Variants in UNC80 observed in about 807,000 individuals in gnomAD.
The protein encoded by UNC80 is protein unc-80 homolog.
In UNC80, 164 loss-of-function variants were observed where a neutral mutation model predicts 384.6. That is an observed-to-expected ratio of 0.43 (90% CI 0.38 to 0.49). UNC80 has a LOEUF of 0.49. UNC80 is among the 20% of genes least tolerant of loss of function. UNC80 has a pLI of 0.00. For missense variants in UNC80, 3,330 were observed against 4,143.0 expected, an observed-to-expected ratio of 0.80 and a Z score of 5.39; for synonymous variants, 1,486 against 1,527.8, an observed-to-expected ratio of 0.97 and a Z score of 0.64.
intron 27 of UNC80, among the ~76,000 whole-genome samples, chr2:209,894,820 G>A (rs779318959): frequency 2.6e-5 from 4 of 152,116 alleles, no homozygotes; most frequent in Non-Finnish European, 5.9e-5. Context: ...CCCTTGGGGA[G>A]GACTACCTAA....
chr2:209,992,366 T>C (rs915141715), intron 62 of UNC80, 119 bp downstream of exon 62: 1 of 922,486 alleles, frequency 1.1e-6, no homozygotes, highest in Non-Finnish European at 1.6e-6. Flanking sequence ...TCCCAGCTAC[T>C]GGGGAGGCTG....
chr2:209,814,510 T>C (rs958659474), intron 8 of UNC80, among the ~76,000 whole-genome samples: 1 of 152,178 alleles, frequency 6.6e-6, no homozygotes, highest in Non-Finnish European at 1.5e-5. Context: ...CCTCCCAAAG[T>C]GCTGGGATTA....
At chr2:209,835,097 G>C in intron 18 of UNC80, 87 bp downstream of exon 18, 1 of 1,075,176 alleles carries the variant, frequency 9.3e-7, no homozygotes, top group South Asian at 1.3e-5. Flanking sequence ...CTATTTGTTT[G>C]TTTTTCATCT....
At chr2:209,956,653 A>G (rs1020122394) in intron 48 of UNC80, among the ~76,000 whole-genome samples, 1 of 152,140 alleles carries the variant, frequency 6.6e-6, no homozygotes, top group African/African-American at 2.4e-5. Flanking sequence ...ATATGTATAC[A>G]TGTGCAGCGC....
At chr2:209,921,445 C>A in intron 33 of UNC80, 55 bp from the exon 34 acceptor site, 1 of 1,487,156 alleles carries the variant, frequency 6.7e-7, no homozygotes, top group Non-Finnish European at 9.0e-7. Flanking sequence ...CTCTTTATGC[C>A]TGTGACCTTG....
intron 48 of UNC80, chr2:209,954,487 A>G (rs2092325574): frequency 2.7e-6 from 1 of 366,176 alleles, no homozygotes; most frequent in Admixed American, 4.3e-5. Flanking sequence ...GTATAATAAT[A>G]GTAATAATAT....
At chr2:209,901,941 A>G (rs559876442) in intron 28 of UNC80, among the ~76,000 whole-genome samples, 1 of 152,156 alleles carries the variant, frequency 6.6e-6, no homozygotes, top group East Asian at 1.9e-4. Context: ...AAAAAAAAAA[A>G]AGTACATTTT....
At chr2:209,881,140 C>G in intron 25 of UNC80, 46 bp downstream of exon 25, 1 of 1,537,208 alleles carries the variant, frequency 6.5e-7, no homozygotes, top group Non-Finnish European at 8.8e-7. Context: ...TCGGAGAGGC[C>G]AGGCGTGTGT....
At chr2:209,893,341 A>G (rs1442285011) in intron 26 of UNC80, among the ~76,000 whole-genome samples, 1 of 152,152 alleles carries the variant, frequency 6.6e-6, no homozygotes, top group African/African-American at 2.4e-5. Flanking sequence ...TTGAAAAGGA[A>G]GGAGGTGTGT....
intron 40 of UNC80, among the ~76,000 whole-genome samples, chr2:209,936,240 GCAAA>G (rs1575073909): frequency 1.3e-5 from 2 of 152,236 alleles, no homozygotes; most frequent in East Asian, 3.9e-4. Flanking sequence ...TAGCAGGAAG[GCAAA>G]CAGAGTATAT....
chr2:209,842,579 C>G (rs2081846383), intron 21 of UNC80, 133 bp downstream of exon 21: 1 of 659,988 alleles, frequency 1.5e-6, no homozygotes, highest in African/African-American at 1.8e-5. Context: ...CCTTTTACCA[C>G]TGTCTATAGC....
intron 13 of UNC80, among the ~76,000 whole-genome samples, chr2:209,823,625 C>T (rs1410055745): frequency 4.6e-5 from 7 of 151,856 alleles, no homozygotes; most frequent in Non-Finnish European, 1.0e-4. Flanking sequence ...AGGAAAGCAG[C>T]GCCCCACACA....
In UNC80 at chr2:209,867,224, C is replaced by G. The variant is rs114205927; in HGVS notation, c.3628-5534C>G. Among the ~76,000 whole-genome samples, 807 of 152,314 alleles carry G rather than the reference C, an allele frequency of 5.3e-3. 9 individuals carry two copies. The highest frequency in any genetic ancestry group is 0.018 in the African/African-American group (757 of 41,584). On this transcript the variant is annotated intron_variant, in intron 22 of 64. Transcript: ENST00000673920. ...ATTTCCAGGCCCTACAATGGATCTA[C>G]TGAATCAGAATATCTGGGGATGGAG...
At chr2:209,878,314 G>A (rs2084960146) in intron 24 of UNC80, among the ~76,000 whole-genome samples, 2 of 152,146 alleles carry the variant, frequency 1.3e-5, no homozygotes, top group South Asian at 2.1e-4. Context: ...AGGAGCTGCA[G>A]GCAAGATGGA....
At chr2:209,773,266 C>A in intron 2 of UNC80, 124 bp downstream of exon 2, 1 of 807,788 alleles carries the variant, frequency 1.2e-6, no homozygotes, top group Non-Finnish European at 2.0e-6. Context: ...ATTGATCACC[C>A]ACTCTGTGCC....
chr2:209,807,223 A>G (rs920879301), intron 7 of UNC80, among the ~76,000 whole-genome samples: 7 of 152,176 alleles, frequency 4.6e-5, no homozygotes, highest in African/African-American at 9.7e-5. Flanking sequence ...TACATATATC[A>G]TTTAGAAGAA....
intron 54 of UNC80, among the ~76,000 whole-genome samples, chr2:209,971,324 A>C (rs1412656053): frequency 2.6e-5 from 4 of 152,158 alleles, no homozygotes; most frequent in Admixed American, 2.0e-4. Flanking sequence ...TTGCAATATA[A>C]AATTCTTTCA....
intron 61 of UNC80, among the ~76,000 whole-genome samples, chr2:209,988,177 G>A (rs1200518030): frequency 1.3e-5 from 2 of 152,014 alleles, no homozygotes; most frequent in Admixed American, 6.6e-5. Context: ...ATACCTTATC[G>A]CTCCCGTGAA....
At chr2:209,916,355 T>C (rs1467064682) in intron 31 of UNC80, among the ~76,000 whole-genome samples, 1 of 152,162 alleles carries the variant, frequency 6.6e-6, no homozygotes, top group Non-Finnish European at 1.5e-5. Context: ...AGGAAAATAA[T>C]TCTTCAAGGA....
Sources: allele counts gnomAD v4.1 joint callset (sites outside exome capture counted in the v4.1 genomes callset), GRCh38; gene constraint gnomAD v4.1.1; transcripts MANE v1.5; gene names NCBI Gene and HGNC (gene_info 2026-07-23, HGNC 2026-07-21).